The following TBC1D5 variants were observed in gnomAD, a reference collection of about 807,000 sequenced individuals.
TBC1D5 encodes the protein TBC1 domain family member 5.
A neutral mutation model predicts 100.3 loss-of-function variants in TBC1D5; 75 were observed. That is an observed-to-expected ratio of 0.75 (90% CI 0.62 to 0.91). The LOEUF (loss-of-function observed/expected upper bound fraction) is 0.91, where lower values mean the gene tolerates loss of function less well. Ranked by LOEUF, TBC1D5 falls within the 40% of genes least tolerant of loss-of-function variation. TBC1D5 has a pLI of 0.00. For synonymous variants in TBC1D5, 323 were observed against 325.6 expected, an observed-to-expected ratio of 0.99 and a Z score of 0.09; for missense variants, 910 against 942.4, an observed-to-expected ratio of 0.97 and a Z score of 0.45.
chr3:17,717,448 AG>A (rs2075333865), intron 1 of TBC1D5, among the ~76,000 whole-genome samples: 1 of 152,194 alleles, frequency 6.6e-6, no homozygotes, highest in African/African-American at 2.4e-5. Context: ...TACCTCAAAA[AG>A]TTCATTAGTA....
intron 3 of TBC1D5, among the ~76,000 whole-genome samples, chr3:17,452,912 G>A (rs1433463688): frequency 1.3e-5 from 2 of 151,606 alleles, no homozygotes; most frequent in Non-Finnish European, 2.9e-5. Context: ...CCATATGTTA[G>A]TTTACAAAAC....
chr3:17,176,006 T>C (rs1223656351), intron 19 of TBC1D5, among the ~76,000 whole-genome samples: 1 of 152,198 alleles, frequency 6.6e-6, no homozygotes, highest in Non-Finnish European at 1.5e-5. Context: ...GTTTTGTGGC[T>C]ATTGGATCAT....
At chr3:17,725,007 TAA>T (rs2076008425) in intron 1 of TBC1D5, among the ~76,000 whole-genome samples, 3 of 152,322 alleles carry the variant, frequency 2.0e-5, no homozygotes, top group South Asian at 2.1e-4. Flanking sequence ...TCAAATGTGT[TAA>T]GTTTCTTGTT....
chr3:17,396,624 T>A (rs541048208), intron 8 of TBC1D5, among the ~76,000 whole-genome samples: 1 of 152,142 alleles, frequency 6.6e-6, no homozygotes, highest in African/African-American at 2.4e-5. Flanking sequence ...AAAATAACTT[T>A]CGAATATGCT....
intron 1 of TBC1D5, among the ~76,000 whole-genome samples, chr3:17,673,478 T>C (rs1009649635): frequency 6.2e-5 from 8 of 129,218 alleles, no homozygotes; most frequent in Non-Finnish European, 1.0e-4. Context: ...GCCCAGATAA[T>C]GTTTGTATTT....
At chr3:17,452,885 T>C (rs2094959556) in intron 3 of TBC1D5, among the ~76,000 whole-genome samples, 1 of 151,942 alleles carries the variant, frequency 6.6e-6, no homozygotes, top group Admixed American at 6.6e-5. Context: ...AGCAAATGGA[T>C]CATTCTCCAG....
At chr3:17,710,750 T>G (rs2074645477) in intron 1 of TBC1D5, among the ~76,000 whole-genome samples, 1 of 152,098 alleles carries the variant, frequency 6.6e-6, no homozygotes, top group Non-Finnish European at 1.5e-5. Flanking sequence ...CAGGCTGGTG[T>G]GCAGTGGCGC....
intron 2 of TBC1D5, among the ~76,000 whole-genome samples, chr3:17,513,926 T>G (rs977932832): frequency 1.3e-5 from 2 of 152,110 alleles, no homozygotes; most frequent in Admixed American, 1.3e-4. Flanking sequence ...ATATCTGGTT[T>G]AAAAAAACAT....
chr3:17,280,718 T>G (rs1311722312), intron 15 of TBC1D5, among the ~76,000 whole-genome samples: 1 of 152,142 alleles, frequency 6.6e-6, no homozygotes, highest in Admixed American at 6.5e-5. Context: ...ATTCATCACC[T>G]TTCAATTCAG....
At chr3:17,165,517 C>T (rs1042095888) in intron 21 of TBC1D5, among the ~76,000 whole-genome samples, 4 of 152,208 alleles carry the variant, frequency 2.6e-5, no homozygotes, top group Admixed American at 2.6e-4. Flanking sequence ...CATGTGGCTA[C>T]AAATGCAGAG....
At chr3:17,719,792 A>C (rs1156471082) in intron 1 of TBC1D5, among the ~76,000 whole-genome samples, 1 of 152,234 alleles carries the variant, frequency 6.6e-6, no homozygotes, top group Non-Finnish European at 1.5e-5. Context: ...AGTCTGTGTT[A>C]TATAAACAAC....
At chr3:17,676,812 C>A (rs988878660) in intron 1 of TBC1D5, among the ~76,000 whole-genome samples, 11 of 152,216 alleles carry the variant, frequency 7.2e-5, no homozygotes, top group South Asian at 2.1e-4. Flanking sequence ...AGATATAGAC[C>A]AATGGAACAG....
intron 1 of TBC1D5, among the ~76,000 whole-genome samples, chr3:17,681,295 T>C (rs1412906768): frequency 1.3e-5 from 2 of 151,640 alleles, no homozygotes; most frequent in Non-Finnish European, 2.9e-5. Flanking sequence ...CACAAGAATT[T>C]TTCCAATTGT....
chr3:17,710,489 G>C (rs377217318), intron 1 of TBC1D5, among the ~76,000 whole-genome samples: 11 of 151,858 alleles, frequency 7.2e-5, no homozygotes, highest in African/African-American at 2.7e-4. Context: ...ACTTGAACCC[G>C]GGAGGCGGAG....
chr3:17,191,392 A>G (rs549528161), intron 18 of TBC1D5, among the ~76,000 whole-genome samples: 1 of 152,330 alleles, frequency 6.6e-6, no homozygotes, highest in East Asian at 1.9e-4. Context: ...TAAACACTCA[A>G]TAAATGTGAA....
At chr3:17,199,983 A>C (rs1233827318) in intron 18 of TBC1D5, among the ~76,000 whole-genome samples, 1 of 152,204 alleles carries the variant, frequency 6.6e-6, no homozygotes, top group African/African-American at 2.4e-5. Context: ...CAGAAGTCTG[A>C]GTCTAGTCTT....
intron 2 of TBC1D5, among the ~76,000 whole-genome samples, chr3:17,619,262 G>A (rs116800083): frequency 1.3e-5 from 2 of 152,278 alleles, no homozygotes; most frequent in African/African-American, 4.8e-5. Context: ...AGTTAGACAA[G>A]TTGATACTGA....
intron 4 of TBC1D5, among the ~76,000 whole-genome samples, chr3:17,411,540 T>C (rs1016050932): frequency 6.6e-6 from 1 of 152,128 alleles, no homozygotes; most frequent in African/African-American, 2.4e-5. Flanking sequence ...TGCAGTTCTG[T>C]GGACTGAAAA....
At chr3:17,482,312 G>T (rs1156521414) in intron 3 of TBC1D5, among the ~76,000 whole-genome samples, 1 of 152,072 alleles carries the variant, frequency 6.6e-6, no homozygotes, top group Non-Finnish European at 1.5e-5. Context: ...TAATAATAAG[G>T]TACTGGATAT....
Sources: gnomAD v4.1 joint callset for allele counts (sites outside exome capture counted in the v4.1 genomes callset) on GRCh38, gnomAD v4.1.1 for gene constraint, MANE v1.5 for transcripts, NCBI Gene and HGNC (gene_info 2026-07-23, HGNC 2026-07-21) for gene names.